The following CPA4 variants were observed in gnomAD, a reference collection of about 807,000 sequenced individuals.
CPA4 encodes the protein carboxypeptidase A3.
In CPA4, 49 loss-of-function variants were observed where a neutral mutation model predicts 54.7. That is an observed-to-expected ratio of 0.90 (90% CI 0.71 to 1.14). The LOEUF (loss-of-function observed/expected upper bound fraction) is 1.14, where lower values mean the gene tolerates loss of function less well. Ranked by LOEUF, CPA4 falls within the 50% of genes most tolerant of loss-of-function variation. The pLI is 0.00. For missense variants in CPA4, 487 were observed against 525.1 expected, an observed-to-expected ratio of 0.93 and a Z score of 0.71; for synonymous variants, 215 against 206.8, an observed-to-expected ratio of 1.04 and a Z score of -0.34.
intron 10 of CPA4, among the ~76,000 whole-genome samples, chr7:130,317,376 A>G (rs546251956): frequency 6.6e-6 from 1 of 152,352 alleles, no homozygotes; most frequent in Non-Finnish European, 1.5e-5. Flanking sequence ...CACGATGATG[A>G]AAACATACCT....
rs545929875 is a variant in CPA4, at chr7:130,310,257, C to T, written c.794-530C>T. On this transcript the variant is annotated intron_variant, in intron 8 of 10. Transcript: ENST00000222482. The surrounding 1 kb of genome is among the most constrained non-coding windows in gnomAD (Gnocchi z 4.3). Reference sequence around the variant, plus strand: ...ATACACACACACACGCACACACACACGTATGCACGTGTGCACACACACACC... The same window carrying T: ...ATACACACACACACGCACACACACATGTATGCACGTGTGCACACACACACC... 6.6e-6 allele frequency among the ~76,000 whole-genome samples: 1 copy of T among 152,120 alleles called. No individual in the cohort carries two copies. Among genetic ancestry groups the T allele is most frequent in the Non-Finnish European group, 1.5e-5 (1 of 68,024 alleles).
chr7:130,314,496 TGTAGG>T (rs1269135253), intron 10 of CPA4, among the ~76,000 whole-genome samples: 2 of 152,184 alleles, frequency 1.3e-5, no homozygotes, highest in Non-Finnish European at 2.9e-5. Context: ...CATGAAGGGT[TGTAGG>T]AAGAGCTGCG....
intron 1 of CPA4, among the ~76,000 whole-genome samples, chr7:130,298,414 G>A (rs757170180): frequency 6.6e-6 from 1 of 152,114 alleles, no homozygotes; most frequent in African/African-American, 2.4e-5. Context: ...ATAATCCCAC[G>A]ACCCGAACAT....
chr7:130,304,370 T>G, intron 4 of CPA4, 108 bp from the exon 5 acceptor site: 2 of 781,782 alleles, frequency 2.6e-6, no homozygotes, highest in South Asian at 1.4e-5. Context: ...AATTCCAAGA[T>G]TAGGGTCCCG....
intron 4 of CPA4, among the ~76,000 whole-genome samples, chr7:130,303,344 C>T (rs1318263059): frequency 6.6e-6 from 1 of 152,312 alleles, no homozygotes; most frequent in African/African-American, 2.4e-5. Flanking sequence ...GAGAAATTAT[C>T]TCCAAAGGGG....
Position 130,310,915 on chromosome 7 carries a change from C to A in CPA4, c.922C>A (p.His308Asn). 1 of 1,614,150 alleles carries A rather than the reference C, an allele frequency of 6.2e-7. No homozygotes were observed. ...GAATTTCAAGGGCTTCATCGACCTGCACAGCTACTCGCAGCTGCTGATGTA... is the reference window on the plus strand; with the variant it reads ...GAATTTCAAGGGCTTCATCGACCTGAACAGCTACTCGCAGCTGCTGATGTA... ...HGNFKGFIDL[H>N]SYSQLLMYPY... Residue 308 changes from histidine to asparagine, a missense_variant, in exon 9 of 11, where the codon CAC becomes AAC. Coordinates refer to ENST00000222482, the MANE Select transcript of CPA4 (RefSeq NM_016352.4). This position sits in a 1 kb window ranked among gnomAD's most constrained non-coding sequence, Gnocchi z 4.3.
intron 6 of CPA4, 49 bp from the exon 7 acceptor site, chr7:130,306,738 T>C (rs1793826390): frequency 9.3e-7 from 1 of 1,079,138 alleles, no homozygotes; most frequent in Non-Finnish European, 1.4e-6. Context: ...TCAGCCCTAA[T>C]GGCCCATCCT....
intron 10 of CPA4, among the ~76,000 whole-genome samples, chr7:130,319,134 G>A (rs987641260): frequency 2.6e-5 from 4 of 152,088 alleles, no homozygotes; most frequent in African/African-American, 9.7e-5. Context: ...CCTTTCTCCT[G>A]CCAGACTGTC....
intron 1 of CPA4, among the ~76,000 whole-genome samples, chr7:130,296,447 C>T (rs1793649329): frequency 1.3e-5 from 2 of 152,336 alleles, no homozygotes; most frequent in South Asian, 4.1e-4. Flanking sequence ...TCTACAAGTT[C>T]TGTTGTGAAG....
At chr7:130,313,605 C>T (rs992095522) in intron 10 of CPA4, among the ~76,000 whole-genome samples, 2 of 147,948 alleles carry the variant, frequency 1.4e-5, no homozygotes, top group Non-Finnish European at 3.1e-5. Flanking sequence ...ATGTTAAAGA[C>T]GTGGCCAATC....
chr7:130,295,602 T>C (rs973290900), intron 1 of CPA4, among the ~76,000 whole-genome samples: 1 of 152,186 alleles, frequency 6.6e-6, no homozygotes, highest in African/African-American at 2.4e-5. Context: ...ACAAGGACAG[T>C]GAGGGCAAGA....
intron 10 of CPA4, among the ~76,000 whole-genome samples, chr7:130,317,796 GTC>G (rs1389634136): frequency 1.3e-5 from 2 of 151,958 alleles, no homozygotes; most frequent in Non-Finnish European, 2.9e-5. Context: ...CTATAATAGT[GTC>G]TCAATAGTTG....
intron 10 of CPA4, among the ~76,000 whole-genome samples, chr7:130,320,247 G>A (rs931432411): frequency 1.3e-5 from 2 of 152,188 alleles, no homozygotes; most frequent in African/African-American, 4.8e-5. Context: ...CGTTAATAGT[G>A]TGTTCCCATT....
At chr7:130,312,285 T>C (rs1268285444) in intron 10 of CPA4, among the ~76,000 whole-genome samples, 163 bp downstream of exon 10, 1 of 152,210 alleles carries the variant, frequency 6.6e-6, no homozygotes, top group Non-Finnish European at 1.5e-5. Flanking sequence ...AGCTGTTGCA[T>C]GCAGTCCCCT....
At chr7:130,296,043 G>C (rs994399160) in intron 1 of CPA4, among the ~76,000 whole-genome samples, 1 of 152,224 alleles carries the variant, frequency 6.6e-6, no homozygotes, top group African/African-American at 2.4e-5. Flanking sequence ...ACTATCTGAA[G>C]ACTGTTAGGA....
intron 10 of CPA4, among the ~76,000 whole-genome samples, chr7:130,319,576 A>G (rs1794053445): frequency 6.6e-6 from 1 of 152,222 alleles, no homozygotes; most frequent in African/African-American, 2.4e-5. Flanking sequence ...CAGGAGAATG[A>G]TTTCCCAATA....
chr7:130,300,791 T>A, intron 3 of CPA4, 25 bp from the exon 4 acceptor site: 1 of 1,537,024 alleles, frequency 6.5e-7, no homozygotes, highest in Non-Finnish European at 9.0e-7. Flanking sequence ...ATGGATCACT[T>A]CACAACATTG....
At chr7:130,308,173 G>T (rs1038628) in intron 7 of CPA4, 134 bp from the exon 8 acceptor site, 264,367 of 724,972 alleles carry the variant, frequency 0.36, 49,622 homozygotes, top group Non-Finnish European at 0.4. Flanking sequence ...TGCTCAATGA[G>T]GACTAGGAGC....
At chr7:130,315,685 G>C (rs926519004) in intron 10 of CPA4, among the ~76,000 whole-genome samples, 1 of 152,156 alleles carries the variant, frequency 6.6e-6, no homozygotes, top group Admixed American at 6.5e-5. Context: ...CAAGGTATTA[G>C]CCAGAACTAA....
Sources: allele counts gnomAD v4.1 joint callset (sites outside exome capture counted in the v4.1 genomes callset), GRCh38; gene constraint gnomAD v4.1.1; non-coding constraint Gnocchi (gnomAD v3.1); transcripts MANE v1.5; gene names NCBI Gene and HGNC (gene_info 2026-07-23, HGNC 2026-07-21).